The following CREB5 variants were observed in gnomAD, a reference collection of about 807,000 sequenced individuals.
The protein encoded by CREB5 is cAMP responsive element binding protein 5, also known as cyclic AMP-responsive element-binding protein 5.
A neutral mutation model predicts 57.1 loss-of-function variants in CREB5; 19 were observed. That is an observed-to-expected ratio of 0.33 (90% CI 0.23 to 0.49). The LOEUF is 0.49. Ranked by LOEUF, CREB5 falls within the 20% of genes least tolerant of loss-of-function variation. CREB5 has a pLI of 0.99. For synonymous variants in CREB5, 238 were observed against 238.3 expected (o/e 1.00, Z 0.01); for missense variants, 579 against 671.6 (o/e 0.86, Z 1.52).
intron 5 of CREB5, among the ~76,000 whole-genome samples, chr7:28,630,897 T>A (rs979339486): frequency 2.0e-5 from 3 of 152,204 alleles, no homozygotes; most frequent in African/African-American, 7.2e-5. Context: ...AGGCAGAGTA[T>A]GTATGGTACA....
chr7:28,687,135 G>C (rs1800979574), intron 5 of CREB5, among the ~76,000 whole-genome samples: 1 of 152,176 alleles, frequency 6.6e-6, no homozygotes, highest in Admixed American at 6.5e-5. Flanking sequence ...CTCAAAAGTA[G>C]TTATAGCCTT....
Position 28,486,670 on chromosome 7 carries a change from T to TTAAATATATATATATATATATATATATA in CREB5, c.4-1503_4-1502insAATATATATATATATATATATATATATA, listed in dbSNP as rs1554331892. Among the ~76,000 whole-genome samples the TTAAATATATATATATATATATATATATA allele has an allele frequency of 1.7e-4, 15 of 89,144 alleles. 1 individual carries two copies. Among genetic ancestry groups the TTAAATATATATATATATATATATATATA allele is most frequent in the African/African-American group, 6.0e-4 (14 of 23,462 alleles). The allele number at this position is 89,144 out of a possible 152,430, so 58.5% of individuals were successfully genotyped here. ...AACTAAACGTGTATCTCCTATGATT[T>TTAAATATATATATATATATATATATATA]TATATATATATATATATATATATGT... On this transcript the variant is annotated intron_variant, in intron 1 of 10. Coordinates refer to ENST00000357727, the MANE Select transcript of CREB5 (RefSeq NM_182898.4).
chr7:28,760,231 A>T (rs1018243926), intron 7 of CREB5, among the ~76,000 whole-genome samples: 11 of 152,132 alleles, frequency 7.2e-5, no homozygotes, highest in Non-Finnish European at 1.3e-4. Context: ...TACCTACAGG[A>T]GAGTTGATTT....
In CREB5 at chr7:28,744,610, A is replaced by C. The variant is rs188354496; in HGVS notation, c.702+20278A>C. ...TGATCCACCCGCCTCGGCCTCCCAA[A>C]GAGCTGGGATTACAGGCATGAGCCA... On this transcript the variant is annotated intron_variant, in intron 7 of 10. Coordinates refer to ENST00000357727, the MANE Select transcript of CREB5 (RefSeq NM_182898.4). 1.6e-3 allele frequency among the ~76,000 whole-genome samples: 245 copies of C among 152,120 alleles called. 2 individuals are homozygous for C. Among genetic ancestry groups the C allele is most frequent in the Admixed American group, 3.4e-3 (52 of 15,286 alleles).
At chr7:28,550,172 C>A in intron 4 of CREB5, among the ~76,000 whole-genome samples, 1 of 152,128 alleles carries the variant, frequency 6.6e-6, no homozygotes, top group East Asian at 1.9e-4. Flanking sequence ...TCTTTCTTCT[C>A]CTTCTCCTCT....
At chr7:28,437,711 A>G (rs934810034) in intron 1 of CREB5, among the ~76,000 whole-genome samples, 1 of 152,188 alleles carries the variant, frequency 6.6e-6, no homozygotes, top group Non-Finnish European at 1.5e-5. Flanking sequence ...TGGAATTAGA[A>G]CTACAGCTAT....
intron 7 of CREB5, among the ~76,000 whole-genome samples, chr7:28,725,116 CA>C (rs1583619478): frequency 6.6e-6 from 1 of 152,198 alleles, no homozygotes; most frequent in African/African-American, 2.4e-5. Flanking sequence ...TACACTGCAG[CA>C]AACTTTCTAG....
chr7:28,560,861 T>TGCGCGCGCGTGC (rs1358670336), intron 4 of CREB5, among the ~76,000 whole-genome samples: 28 of 45,866 alleles, frequency 6.1e-4, no homozygotes, highest in Middle Eastern at 8.5e-3. Context: ...TGTGTGTGCG[T>TGCGCGCGCGTGC]GTGCCTGCGT....
intron 5 of CREB5, among the ~76,000 whole-genome samples, chr7:28,698,975 T>C (rs1330115878): frequency 6.6e-6 from 1 of 152,208 alleles, no homozygotes; most frequent in Non-Finnish European, 1.5e-5. Flanking sequence ...AGCCTCATTT[T>C]TCATATGCAA....
chr7:28,723,023 G>C (rs759985134), intron 6 of CREB5, among the ~76,000 whole-genome samples: 1 of 152,158 alleles, frequency 6.6e-6, no homozygotes, highest in Non-Finnish European at 1.5e-5. Context: ...TTGTTCGTGA[G>C]GTTTCAGTCC....
chr7:28,642,661 A>G (rs539863538), intron 5 of CREB5, among the ~76,000 whole-genome samples: 3 of 152,218 alleles, frequency 2.0e-5, no homozygotes, highest in Admixed American at 6.5e-5. Flanking sequence ...CTCTGTGTAT[A>G]CTTCAGATGT....
At chr7:28,345,752 T>G (rs1325449767) in intron 1 of CREB5, among the ~76,000 whole-genome samples, 4 of 152,158 alleles carry the variant, frequency 2.6e-5, no homozygotes, top group Non-Finnish European at 4.4e-5. Flanking sequence ...TGATGCCAGA[T>G]GAAGATAGGC....
chr7:28,495,959 G>A (rs1042055328), intron 3 of CREB5, among the ~76,000 whole-genome samples: 2 of 151,096 alleles, frequency 1.3e-5, no homozygotes, highest in East Asian at 1.9e-4. Flanking sequence ...TTGAGAGGTA[G>A]TACGGCAAAT....
At chr7:28,483,211 A>T (rs1207541299) in intron 1 of CREB5, among the ~76,000 whole-genome samples, 1 of 152,200 alleles carries the variant, frequency 6.6e-6, no homozygotes, top group Non-Finnish European at 1.5e-5. Flanking sequence ...TGGTATTTCC[A>T]AGTATATCCC....
At chr7:28,445,676 C>A (rs900043126) in intron 1 of CREB5, among the ~76,000 whole-genome samples, 2 of 152,016 alleles carry the variant, frequency 1.3e-5, no homozygotes, top group African/African-American at 2.4e-5. Flanking sequence ...CTCAGCCTCC[C>A]GAGTAGCTGG....
intron 1 of CREB5, among the ~76,000 whole-genome samples, chr7:28,377,755 C>T (rs1193279659): frequency 6.6e-6 from 1 of 151,318 alleles, no homozygotes; most frequent in Non-Finnish European, 1.5e-5. Flanking sequence ...GGTGAAACCC[C>T]CGTCTCTACT....
At chr7:28,450,942 A>G (rs1789765083) in intron 1 of CREB5, among the ~76,000 whole-genome samples, 1 of 152,210 alleles carries the variant, frequency 6.6e-6, no homozygotes, top group African/African-American at 2.4e-5. Context: ...GACCATTTGC[A>G]GGTCTAGAAG....
rs141292303 is a variant in CREB5, at chr7:28,755,866, T to G, written c.702+31534T>G. On this transcript the variant is annotated intron_variant, in intron 7 of 10. Transcript: ENST00000357727. ...TGTAAGTGTTAGTGGCCAAAGAGTGTTTCTGAAGTGTTTCAGAGATCTTCA... is the reference window on the plus strand; with the variant it reads ...TGTAAGTGTTAGTGGCCAAAGAGTGGTTCTGAAGTGTTTCAGAGATCTTCA... Among the ~76,000 whole-genome samples, 18 of 152,292 alleles carry G rather than the reference T, an allele frequency of 1.2e-4. No homozygotes were observed. The East Asian group carries it at 3.5e-3, about 29-fold the overall frequency.
intron 4 of CREB5, among the ~76,000 whole-genome samples, chr7:28,560,972 GCGTGTGTGCGTGCGTGTGTGTGCC>G (rs1795222278): frequency 1.4e-5 from 1 of 69,982 alleles, no homozygotes; most frequent in Admixed American, 1.6e-4. Context: ...GTGTGTGTGT[GCGTGTGTGCGTGCGTGTGTGTGCC>G]TGCGTGTGCG....
Sources: allele counts gnomAD v4.1 joint callset (sites outside exome capture counted in the v4.1 genomes callset), GRCh38; gene constraint gnomAD v4.1.1; transcripts MANE v1.5; gene names NCBI Gene and HGNC (gene_info 2026-07-23, HGNC 2026-07-21).